The following ZNF69 variants were observed in gnomAD, a reference collection of about 807,000 sequenced individuals.
The protein encoded by ZNF69 is zinc finger protein 69.
ZNF69 carries 47 observed loss-of-function variants against 50.9 expected under a neutral mutation model. The ratio of observed to expected loss-of-function variants is 0.92; its 90% confidence interval spans 0.73 to 1.18. The LOEUF is 1.18. Among genes scored for constraint, ZNF69 ranks in the 50% most tolerant of loss-of-function variants. The pLI is 0.00. For missense variants in ZNF69, 717 were observed against 675.1 expected, an observed-to-expected ratio of 1.06 and a Z score of -0.69; for synonymous variants, 216 against 223.1, an observed-to-expected ratio of 0.97 and a Z score of 0.29.
the ZNF69 span, among the ~76,000 whole-genome samples, chr19:11,932,908 A>G: frequency 4.7e-5 from 7 of 148,464 alleles, no homozygotes; most frequent in Non-Finnish European, 1.0e-4. Flanking sequence ...AAGTGCTGGG[A>G]TTACAGGCGT....
intron 1 of ZNF69, among the ~76,000 whole-genome samples, chr19:11,895,821 T>A (rs151218835): frequency 1.6e-3 from 245 of 152,356 alleles, no homozygotes; most frequent in African/African-American, 5.6e-3. Flanking sequence ...GTAAACTGAT[T>A]ATTCTCCTGT....
rs375548286 is a variant in ZNF69, at chr19:11,902,063, C to T, written c.64-1510C>T. ...ATGGTGCAATCTTGGCTCACCGCAACCTCCTGCCTCCCGGGTTCAAGCAAT... is the reference window on the plus strand; with the variant it reads ...ATGGTGCAATCTTGGCTCACCGCAATCTCCTGCCTCCCGGGTTCAAGCAAT... On this transcript the variant is annotated intron_variant, in intron 1 of 3. Transcript: ENST00000429654. 3.4e-5 allele frequency among the ~76,000 whole-genome samples: 5 copies of T among 148,142 alleles called. No individual in the cohort carries two copies. In the East Asian group the frequency reaches 8.0e-4, roughly 24 times the overall value.
chr19:11,921,144 A>C, the ZNF69 span, among the ~76,000 whole-genome samples: 2 of 152,266 alleles, frequency 1.3e-5, no homozygotes, highest in East Asian at 3.9e-4. Flanking sequence ...CAATAATCCA[A>C]AGACTAACAA....
the ZNF69 span, among the ~76,000 whole-genome samples, chr19:11,944,366 T>G: frequency 2.6e-5 from 4 of 152,180 alleles, no homozygotes; most frequent in Admixed American, 1.3e-4. Flanking sequence ...TCCTGTTTCT[T>G]GACACACTTT....
chr19:11,969,770 G>T, the ZNF69 span, among the ~76,000 whole-genome samples: 2 of 152,180 alleles, frequency 1.3e-5, no homozygotes, highest in Non-Finnish European at 2.9e-5. Flanking sequence ...GGAAAGCAGA[G>T]AATAACCACT....
chr19:11,935,751 C>T, the ZNF69 span, among the ~76,000 whole-genome samples: 1 of 152,202 alleles, frequency 6.6e-6, no homozygotes, highest in Non-Finnish European at 1.5e-5. Context: ...TACATGTGCA[C>T]AACGTGCAGG....
chr19:11,903,311 T>G (rs1191681078), intron 1 of ZNF69, among the ~76,000 whole-genome samples: 1 of 151,880 alleles, frequency 6.6e-6, no homozygotes. Context: ...TAATCTTAGC[T>G]ACTCAGGCTG....
At chr19:11,973,189 TC>T in the ZNF69 span, among the ~76,000 whole-genome samples, 1 of 152,064 alleles carries the variant, frequency 6.6e-6, no homozygotes. Flanking sequence ...ATTCTATCTC[TC>T]CCCTCCCTCT....
At chr19:11,946,544 A>G in the ZNF69 span, among the ~76,000 whole-genome samples, 1 of 152,096 alleles carries the variant, frequency 6.6e-6, no homozygotes, top group African/African-American at 2.4e-5. Flanking sequence ...ACCAGCTGTA[A>G]CTAAGTGTCT....
the ZNF69 span, among the ~76,000 whole-genome samples, chr19:11,954,995 A>ATT: frequency 2.5e-4 from 37 of 146,166 alleles, no homozygotes; most frequent in East Asian, 3.9e-4. Context: ...GTTTCAAAAA[A>ATT]ATTTTTTTTT....
At chr19:11,975,252 G>A in the ZNF69 span, among the ~76,000 whole-genome samples, 2 of 151,732 alleles carry the variant, frequency 1.3e-5, no homozygotes, top group African/African-American at 4.8e-5. Flanking sequence ...CGCATGTTTA[G>A]TAAAGATGGG....
At position 11,906,078 on chromosome 19, in the gene ZNF69, C is replaced by T. The variant is rs779475087; in HGVS notation, c.1681C>T (p.Pro561Ser). The change falls in exon 4 of 4, where the codon CCC becomes TCC. Residue 561 changes from proline (P) to serine (S), a missense_variant. By Grantham distance (74) the Pro-to-Ser change is moderately conservative. Transcript: ENST00000429654. ...TGGTAGGACTCACCCTGAAGATAAA[C>T]CCTATGAGTGTAAGCAATGAGGGAA... Reference protein sequence around the residue: ...MHGRTHPEDKPYECKQ With the variant: ...MHGRTHPEDKSYECKQ The T allele has an allele frequency of 6.6e-5, 107 of 1,612,322 alleles. No individual in the cohort carries two copies. Among genetic ancestry groups the T allele is most frequent in the Non-Finnish European group, 9.0e-5 (106 of 1,179,422 alleles).
At chr19:11,975,507 C>T in the ZNF69 span, among the ~76,000 whole-genome samples, 4 of 152,094 alleles carry the variant, frequency 2.6e-5, no homozygotes, top group African/African-American at 7.2e-5. Context: ...ACGCCATTCT[C>T]CTGCCTCAGC....
At chr19:11,890,566 A>G (rs1599341548) in intron 1 of ZNF69, among the ~76,000 whole-genome samples, 2 of 152,150 alleles carry the variant, frequency 1.3e-5, no homozygotes, top group East Asian at 1.9e-4. Context: ...TTCCTTTTCT[A>G]TGTAGACACA....
downstream of ZNF69, among the ~76,000 whole-genome samples, chr19:11,918,919 G>C (rs566555857): frequency 7.0e-6 from 1 of 143,136 alleles, no homozygotes; most frequent in South Asian, 2.2e-4. Context: ...TTTTTGAGAC[G>C]GAGTCTCGCT....
chr19:11,979,680 A>G, the ZNF69 span: 2 of 1,602,884 alleles, frequency 1.2e-6, no homozygotes, highest in Non-Finnish European at 8.5e-7. Context: ...CTTCAAATGC[A>G]TGCTGGGACT....
intron 4 of ZNF69, among the ~76,000 whole-genome samples, chr19:11,913,175 C>T (rs766470445): frequency 6.6e-5 from 10 of 151,232 alleles, no homozygotes; most frequent in African/African-American, 1.5e-4. Context: ...CCAGTCTGGG[C>T]GACAGAGTGA....
the ZNF69 span, among the ~76,000 whole-genome samples, chr19:11,936,085 A>G: frequency 5.9e-5 from 9 of 152,140 alleles, no homozygotes; most frequent in Non-Finnish European, 5.9e-5. Context: ...TATATGCCAC[A>G]TTTTCTTAAT....
At chr19:11,973,877 A>G in the ZNF69 span, among the ~76,000 whole-genome samples, 1 of 152,126 alleles carries the variant, frequency 6.6e-6, no homozygotes, top group Non-Finnish European at 1.5e-5. Flanking sequence ...AATCAGTAAG[A>G]CCATGCTTAT....
Sources: allele counts gnomAD v4.1 joint callset (sites outside exome capture counted in the v4.1 genomes callset), GRCh38; gene constraint gnomAD v4.1.1; transcripts MANE v1.5; gene names NCBI Gene and HGNC (gene_info 2026-07-23, HGNC 2026-07-21).